The following CLTC variants were observed in gnomAD, a reference collection of about 807,000 sequenced individuals.
CLTC encodes clathrin heavy chain.
A neutral mutation model predicts 195.8 loss-of-function variants in CLTC; 16 were observed. The ratio of observed to expected loss-of-function variants is 0.08; its 90% CI spans 0.06 to 0.12. The LOEUF (loss-of-function observed/expected upper bound fraction) is 0.12, where lower values mean the gene tolerates loss of function less well. CLTC is among the 10% of genes least tolerant of loss of function. The pLI is 1.00. For missense variants in CLTC, 796 were observed against 2,027.0 expected (o/e 0.39, Z 11.66); for synonymous variants, 667 against 689.4 (o/e 0.97, Z 0.51).
At chr17:59,688,136 T>C (rs1392199594) in intron 30 of CLTC, among the ~76,000 whole-genome samples, 2 of 152,190 alleles carry the variant, frequency 1.3e-5, no homozygotes, top group South Asian at 2.1e-4. Context: ...GTGTTATGCA[T>C]TGTTTTAAAT....
At chr17:59,658,589 T>C (rs375184298) in intron 6 of CLTC, 4 of 152,366 alleles carry the variant, frequency 2.6e-5, no homozygotes, top group African/African-American at 9.6e-5. Context: ...AAGTGGCTTC[T>C]ATGGGTTGAA....
chr17:59,676,834 C>A, intron 16 of CLTC, 120 bp from the exon 17 acceptor site: 1 of 729,746 alleles, frequency 1.4e-6, no homozygotes, highest in Non-Finnish European at 2.2e-6. Flanking sequence ...ACTCGGGGGG[C>A]GGGGAAAAAG....
chr17:59,631,380 G>A (rs1363879019), intron 1 of CLTC, among the ~76,000 whole-genome samples: 4 of 152,162 alleles, frequency 2.6e-5, no homozygotes, highest in Non-Finnish European at 5.9e-5. Context: ...CACAGTAGCT[G>A]CTCAGGCATT....
intron 31 of CLTC, 50 bp downstream of exon 31, chr17:59,690,761 A>T: frequency 7.4e-7 from 1 of 1,354,148 alleles, no homozygotes; most frequent in Non-Finnish European, 1.0e-6. Flanking sequence ...ATATTTAATT[A>T]CTTAGAGACT....
intron 14 of CLTC, among the ~76,000 whole-genome samples, chr17:59,673,214 T>G (rs1402743014): frequency 5.3e-5 from 8 of 151,982 alleles, no homozygotes; most frequent in Non-Finnish European, 1.5e-5. Flanking sequence ...AGATTGGATG[T>G]GGGGAGGGAT....
chr17:59,681,178 A>G lies in CLTC; in HGVS notation c.3066-117A>G. On this transcript the variant is annotated intron_variant, in intron 19 of 31. Coordinates refer to ENST00000269122, the MANE Select transcript of CLTC (RefSeq NM_004859.4). This position sits in a 1 kb window ranked among gnomAD's most constrained non-coding sequence, Gnocchi z 5.0. ...TTGCCTGAATTCTCACTCTTCTAAT[A>G]TCCTCCCCCCTACCCTACCTCTTGA... 1.4e-6 allele frequency: 2 copies of G among 1,444,154 alleles called. No homozygotes were observed. The highest frequency in any genetic ancestry group is 1.3e-5 in the South Asian group (1 of 75,440). The allele number at this position is 1,444,154 out of a possible 1,614,324, so 89.5% of individuals were successfully genotyped here.
Position 59,683,342 on chromosome 17 carries a change from G to A in CLTC, c.4042-45G>A, listed in dbSNP as rs564167504. 6.2e-6 allele frequency: 10 copies of A among 1,601,512 alleles called. No homozygotes were observed. The highest frequency in any genetic ancestry group is 5.1e-5 in the Admixed American group (3 of 58,260). On this transcript the variant is annotated intron_variant, in intron 25 of 31. Transcript: ENST00000269122. This position sits in a 1 kb window ranked among gnomAD's most constrained non-coding sequence, Gnocchi z 6.1. Reference sequence around the variant, plus strand: ...AAAATATCTTATTCTTTTTAAGGCTGTTAGCTAGACTCATATCTAAAGCAA... The same window carrying A: ...AAAATATCTTATTCTTTTTAAGGCTATTAGCTAGACTCATATCTAAAGCAA...
At chr17:59,640,639 C>G (rs1328976213) in intron 1 of CLTC, among the ~76,000 whole-genome samples, 2 of 151,574 alleles carry the variant, frequency 1.3e-5, no homozygotes. Context: ...ACCTCGTGAT[C>G]CACGCCCCCT....
At chr17:59,640,528 C>T (rs1485514492) in intron 1 of CLTC, among the ~76,000 whole-genome samples, 2 of 151,848 alleles carry the variant, frequency 1.3e-5, no homozygotes, top group Admixed American at 6.6e-5. Context: ...TCTGGAGTAG[C>T]TGGGACTACA....
chr17:59,681,593 G>T lies in CLTC; in HGVS notation c.3250-54G>T. Reference sequence around the variant, plus strand: ...AAATACTAACAGCTTAAATGTAATTGCTTTGGGTAGGATTGATTTTACTCT... The same window carrying T: ...AAATACTAACAGCTTAAATGTAATTTCTTTGGGTAGGATTGATTTTACTCT... On this transcript the variant is annotated intron_variant, in intron 20 of 31. Transcript: ENST00000269122. The surrounding 1 kb of genome is among the most constrained non-coding windows in gnomAD (Gnocchi z 5.0). The T allele has an allele frequency of 6.3e-7, 1 of 1,578,972 alleles. No individual in the cohort carries two copies. The highest frequency in any genetic ancestry group is 1.1e-5 in the South Asian group (1 of 87,034).
intron 14 of CLTC, among the ~76,000 whole-genome samples, chr17:59,673,219 A>T (rs1323768310): frequency 1.3e-5 from 2 of 151,668 alleles, no homozygotes; most frequent in African/African-American, 4.9e-5. Context: ...GGATGTGGGG[A>T]GGGATAGAAA....
At chr17:59,679,637 A>ATG in intron 18 of CLTC, 118 bp downstream of exon 18, 1 of 853,528 alleles carries the variant, frequency 1.2e-6, no homozygotes, top group Non-Finnish European at 1.6e-6. Context: ...GAGAGAAAGC[A>ATG]ATACAAAGTA....
intron 31 of CLTC, 127 bp from the exon 32 acceptor site, chr17:59,693,601 C>A: frequency 9.0e-7 from 1 of 1,117,292 alleles, no homozygotes; most frequent in Non-Finnish European, 1.2e-6. Context: ...ATGTGCCCCC[C>A]ATACAACTCA....
intron 1 of CLTC, among the ~76,000 whole-genome samples, chr17:59,640,175 A>C (rs1383745621): frequency 6.6e-6 from 1 of 152,214 alleles, no homozygotes; most frequent in Non-Finnish European, 1.5e-5. Flanking sequence ...CTGTAAGGGT[A>C]TACCTAAACC....
intron 2 of CLTC, among the ~76,000 whole-genome samples, chr17:59,645,573 G>A (rs2032169555): frequency 1.3e-5 from 2 of 152,224 alleles, no homozygotes; most frequent in South Asian, 4.1e-4. Context: ...GAAGAAAGAA[G>A]AGTTCAAGTT....
chr17:59,656,000 A>C lies in CLTC; in HGVS notation c.942A>C (p.Gly314=). The C allele has an allele frequency of 6.2e-7, 1 of 1,611,914 alleles. No homozygotes were observed. Among genetic ancestry groups the C allele is most frequent in the Non-Finnish European group, 8.5e-7 (1 of 1,179,394 alleles). The change falls in exon 6 of 32, where the codon GGA becomes GGC. Residue 314 remains glycine (G), a synonymous_variant. Transcript: ENST00000269122. ...CTGCACCTCATGAAGCCACAGCTGG[A>C]ATAATTGGAGTAAACAGAAAGGGAC... is the stretch of plus-strand genomic sequence containing the variant. ...FVTAPHEATA[G]IIGVNRKGQV...
At chr17:59,641,458 G>A (rs1272914252) in intron 1 of CLTC, among the ~76,000 whole-genome samples, 5 of 151,642 alleles carry the variant, frequency 3.3e-5, no homozygotes, top group East Asian at 3.9e-4. Flanking sequence ...AAAATTAGCC[G>A]GGCATGTTGG....
Position 59,651,206 on chromosome 17 carries a change from CAT to C in CLTC, c.688_689del (p.Ile230TyrfsTer2). On this transcript the variant is annotated frameshift_variant, in exon 5 of 32. Transcript: ENST00000269122. LOFTEE classifies it high-confidence loss of function. ...ATTTTGATTTTCTTTTGAACAGTTA[CAT>C]ATTATTGAAGTTGGCACACCACCTA... Reference protein sequence around the residue: ...AVRGQAGGKLHIIEVGTPPTG... With the variant: ...AVRGQAGGKLXIIEVGTPPTG... 6.3e-7 allele frequency: 1 copy of C among 1,594,446 alleles called. No individual in the cohort carries two copies. The highest frequency in any genetic ancestry group is 8.6e-7 in the Non-Finnish European group (1 of 1,162,722).
rs970135725 is a variant in CLTC, at chr17:59,674,679, T to C, written c.2419-22T>C. The C allele has an allele frequency of 2.0e-5, 32 of 1,597,050 alleles. No individual in the cohort carries two copies. In the Admixed American group the frequency reaches 4.4e-4, roughly 22 times the overall value. ...TGCTTTTAATAACATAATAACATTC[T>C]TCTACTTCTTTTTAACCACAGGTGA... On this transcript the variant is annotated intron_variant, in intron 15 of 31. Transcript: ENST00000269122.
Sources: gnomAD v4.1 joint callset for allele counts (sites outside exome capture counted in the v4.1 genomes callset) on GRCh38, gnomAD v4.1.1 for gene constraint, Gnocchi (gnomAD v3.1) non-coding constraint, MANE v1.5 for transcripts, NCBI Gene and HGNC (gene_info 2026-07-23, HGNC 2026-07-21) for gene names.